Variants in HCRTR2 observed in about 807,000 individuals in gnomAD.
HCRTR2 encodes orexin receptor type 2.
A neutral mutation model predicts 49.0 loss-of-function variants in HCRTR2; 22 were observed. The ratio of observed to expected loss-of-function variants is 0.45; its 90% CI spans 0.32 to 0.64. HCRTR2 has a LOEUF of 0.64. Ranked by LOEUF, HCRTR2 falls within the 30% of genes least tolerant of loss-of-function variation. HCRTR2 has a pLI of 0.04. For missense variants in HCRTR2, 491 were observed against 559.4 expected (o/e 0.88, Z 1.23); for synonymous variants, 236 against 205.3 (o/e 1.15, Z -1.28).
chr6:55,119,443 G>T (rs1581781226), intron 1 of HCRTR2, among the ~76,000 whole-genome samples: 1 of 151,870 alleles, frequency 6.6e-6, no homozygotes, highest in East Asian at 1.9e-4. Flanking sequence ...TCCAGCATTT[G>T]TTGTTTCCTG....
chr6:55,242,348 CA>C (rs528603908), intron 1 of HCRTR2, among the ~76,000 whole-genome samples: 8 of 151,148 alleles, frequency 5.3e-5, no homozygotes, highest in Non-Finnish European at 1.2e-4. Flanking sequence ...ACTCATGGAA[CA>C]ATAATGTCTC....
intron 1 of HCRTR2, among the ~76,000 whole-genome samples, chr6:55,152,527 T>C (rs982391081): frequency 1.3e-5 from 2 of 152,042 alleles, no homozygotes; most frequent in African/African-American, 4.8e-5. Flanking sequence ...TTTGGGCTGC[T>C]TTAACAAAAT....
At chr6:55,255,464 G>A in intron 3 of HCRTR2, 85 bp downstream of exon 3, 2 of 1,487,784 alleles carry the variant, frequency 1.3e-6, no homozygotes, top group African/African-American at 1.4e-5. Flanking sequence ...GTAAAGCTGG[G>A]CTTATATATT....
At chr6:55,186,489 A>G (rs1765218171) in intron 1 of HCRTR2, among the ~76,000 whole-genome samples, 1 of 152,214 alleles carries the variant, frequency 6.6e-6, no homozygotes, top group Non-Finnish European at 1.5e-5. Flanking sequence ...AGTGATTTAT[A>G]CTATGCAATT....
chr6:55,187,411 C>CAAAAA (rs57619664), intron 1 of HCRTR2, among the ~76,000 whole-genome samples: 38 of 98,384 alleles, frequency 3.9e-4, no homozygotes, highest in South Asian at 7.0e-4. Context: ...GACTCCGTCT[C>CAAAAA]AAAAAAAAAA....
intron 1 of HCRTR2, among the ~76,000 whole-genome samples, chr6:55,160,410 A>G (rs1211337317): frequency 3.3e-5 from 5 of 150,926 alleles, no homozygotes; most frequent in Admixed American, 6.6e-5. Flanking sequence ...CATCAACACT[A>G]TGAAGAAACT....
chr6:55,232,498 T>C (rs1766134826), intron 1 of HCRTR2, among the ~76,000 whole-genome samples: 1 of 152,218 alleles, frequency 6.6e-6, no homozygotes, highest in African/African-American at 2.4e-5. Flanking sequence ...CATCTTACCT[T>C]ACTCAGTGTG....
chr6:55,219,764 G>A (rs1234020899), intron 1 of HCRTR2, among the ~76,000 whole-genome samples: 3 of 151,726 alleles, frequency 2.0e-5, no homozygotes, highest in Non-Finnish European at 4.4e-5. Flanking sequence ...GAAACTAACA[G>A]CTGCTTTTTA....
intron 1 of HCRTR2, among the ~76,000 whole-genome samples, chr6:55,112,279 A>G (rs900259666): frequency 4.0e-5 from 6 of 151,740 alleles, no homozygotes; most frequent in East Asian, 1.9e-4. Flanking sequence ...ACGTAGTACC[A>G]TAAGTTTTAG....
chr6:55,267,460 T>C (rs1314885249), intron 4 of HCRTR2, among the ~76,000 whole-genome samples: 1 of 151,316 alleles, frequency 6.6e-6, no homozygotes, highest in Admixed American at 6.6e-5. Flanking sequence ...TTCTACAGAT[T>C]ATTTGCTAAA....
At chr6:55,203,308 T>A (rs1218907493) in intron 1 of HCRTR2, among the ~76,000 whole-genome samples, 1 of 152,200 alleles carries the variant, frequency 6.6e-6, no homozygotes, top group African/African-American at 2.4e-5. Context: ...CTGATTAGTT[T>A]ATATCTCTCT....
At chr6:55,236,527 C>T (rs542178923) in intron 1 of HCRTR2, among the ~76,000 whole-genome samples, 14 of 151,954 alleles carry the variant, frequency 9.2e-5, no homozygotes, top group African/African-American at 3.4e-4. Context: ...ATTTTTATTG[C>T]TTTATTACCC....
rs1283554240 is a variant in HCRTR2, at chr6:55,245,467, TTTTATATATATATATA to T, written c.224-3170_224-3155del. Reference sequence around the variant, plus strand: ...TATACACATAGAATACATAGGAAGATTTTATATATATATATATATATATATATATATATATATATCT... The same window carrying T: ...TATACACATAGAATACATAGGAAGATTATATATATATATATATATATATCT... On this transcript the variant is annotated intron_variant, in intron 1 of 6. Coordinates refer to ENST00000370862, the MANE Select transcript of HCRTR2 (RefSeq NM_001384272.1). 8.7e-4 allele frequency among the ~76,000 whole-genome samples: 88 copies of T among 101,378 alleles called. 2 individuals are homozygous for T. Among genetic ancestry groups the T allele is most frequent in the Middle Eastern group, 5.0e-3 (1 of 200 alleles). The allele number at this position is 101,378 out of a possible 152,430, so 66.5% of individuals were successfully genotyped here. A position where few individuals can be genotyped will look rare whatever the true frequency, so the allele number is the denominator to read the frequency against.
At chr6:55,214,686 A>G (rs1290126886) in intron 1 of HCRTR2, among the ~76,000 whole-genome samples, 2 of 152,032 alleles carry the variant, frequency 1.3e-5, no homozygotes, top group Non-Finnish European at 2.9e-5. Flanking sequence ...CAAAATAGCA[A>G]TTATAAAGAC....
rs146333538 is a variant in HCRTR2 at position 55,107,441 on chromosome 6, T to C, written c.-378+896T>C. 8.5e-3 allele frequency among the ~76,000 whole-genome samples: 1,286 copies of C among 152,184 alleles called. 8 individuals are homozygous for C. The highest frequency in any genetic ancestry group is 0.013 in the Non-Finnish European group (882 of 67,978). On this transcript the variant is annotated intron_variant, in intron 1 of 7. Coordinates refer to the HCRTR2 transcript ENST00000615358. ...CTTTATTTTTATCTCTGTCTCTCTGTCTCTTTTCAATATATAAAGGGAAAG... is the reference window on the plus strand; with the variant it reads ...CTTTATTTTTATCTCTGTCTCTCTGCCTCTTTTCAATATATAAAGGGAAAG...
chr6:55,194,597 A>G (rs772800204), intron 1 of HCRTR2, among the ~76,000 whole-genome samples: 2 of 152,124 alleles, frequency 1.3e-5, no homozygotes, highest in East Asian at 1.9e-4. Context: ...CATCAATACT[A>G]TGGTACTCCA....
intron 1 of HCRTR2, among the ~76,000 whole-genome samples, chr6:55,217,081 T>C (rs1192436198): frequency 6.6e-6 from 1 of 152,064 alleles, no homozygotes; most frequent in Non-Finnish European, 1.5e-5. Flanking sequence ...TGAGGAATGA[T>C]GCGCTCACAT....
chr6:55,278,775 A>G (rs563270005), intron 5 of HCRTR2, among the ~76,000 whole-genome samples: 1 of 150,616 alleles, frequency 6.6e-6, no homozygotes, highest in Admixed American at 6.6e-5. Flanking sequence ...ACAGAAATTT[A>G]ATACAAATTT....
At chr6:55,207,639 T>C (rs1202417397) in intron 1 of HCRTR2, among the ~76,000 whole-genome samples, 5 of 152,086 alleles carry the variant, frequency 3.3e-5, no homozygotes, top group Admixed American at 3.3e-4. Flanking sequence ...TGTTGCAAAA[T>C]GATGGAACAG....
Sources: gnomAD v4.1 joint callset for allele counts (sites outside exome capture counted in the v4.1 genomes callset) on GRCh38, gnomAD v4.1.1 for gene constraint, MANE v1.5 for transcripts, NCBI Gene and HGNC (gene_info 2026-07-23, HGNC 2026-07-21) for gene names.